CNTNAP2: variants seen among roughly 807,000 people sequenced by gnomAD.
The protein encoded by CNTNAP2 is contactin-associated protein-like 2.
A neutral mutation model predicts 155.2 loss-of-function variants in CNTNAP2; 98 were observed. The ratio of observed to expected loss-of-function variants is 0.63; its 90% CI spans 0.54 to 0.75. CNTNAP2 has a LOEUF of 0.75. CNTNAP2 is among the 30% of genes least tolerant of loss of function. The probability of loss-of-function intolerance (pLI) is 0.00; values close to 1 mark genes in which losing one functional copy is unlikely to be tolerated. For missense variants in CNTNAP2, 1,727 were observed against 1,688.1 expected (o/e 1.02, Z -0.40); for synonymous variants, 651 against 631.2 (o/e 1.03, Z -0.47).
chr7:146,990,945 A>G (rs1055215202), intron 3 of CNTNAP2, among the ~76,000 whole-genome samples: 1 of 152,102 alleles, frequency 6.6e-6, no homozygotes, highest in Non-Finnish European at 1.5e-5. Flanking sequence ...TGGGGGAAAT[A>G]GAAAGCCCTA....
chr7:147,445,512 G>A (rs1321995766), intron 10 of CNTNAP2, among the ~76,000 whole-genome samples: 2 of 152,160 alleles, frequency 1.3e-5, no homozygotes, highest in East Asian at 1.9e-4. Context: ...GTTGGTTGTT[G>A]TGGACAAAAA....
At chr7:147,125,590 T>C (rs1332569467) in intron 6 of CNTNAP2, among the ~76,000 whole-genome samples, 1 of 152,268 alleles carries the variant, frequency 6.6e-6, no homozygotes, top group East Asian at 1.9e-4. Context: ...TGTTGTCTTT[T>C]GCAATACAGC....
At chr7:146,680,022 G>A (rs180758) in intron 1 of CNTNAP2, among the ~76,000 whole-genome samples, 7,482 of 152,044 alleles carry the variant, frequency 0.049, 669 homozygotes, top group African/African-American at 0.17. Context: ...TACATATGTA[G>A]AACATGTTAT....
chr7:147,687,087 T>G (rs1283369166), intron 13 of CNTNAP2, among the ~76,000 whole-genome samples: 4 of 152,084 alleles, frequency 2.6e-5, no homozygotes, highest in Admixed American at 2.6e-4. Context: ...TGATTTGACC[T>G]TTAGAGATTA....
At chr7:147,984,640 G>A (rs115517236) in intron 15 of CNTNAP2, among the ~76,000 whole-genome samples, 1 of 151,998 alleles carries the variant, frequency 6.6e-6, no homozygotes, top group African/African-American at 2.4e-5. Context: ...CCCTGTGAAG[G>A]GTCACTGAAA....
intron 5 of CNTNAP2, among the ~76,000 whole-genome samples, chr7:147,108,585 C>G (rs762714352): frequency 6.6e-6 from 1 of 152,128 alleles, no homozygotes; most frequent in Non-Finnish European, 1.5e-5. Flanking sequence ...CAGCAAGGAA[C>G]AAATAGACAA....
chr7:147,276,533 G>A (rs937105943), intron 8 of CNTNAP2, among the ~76,000 whole-genome samples: 1 of 151,974 alleles, frequency 6.6e-6, no homozygotes, highest in Admixed American at 6.6e-5. Context: ...ACCATAGCTT[G>A]TAAAAATAAA....
At chr7:146,809,137 C>A (rs1803020128) in intron 2 of CNTNAP2, among the ~76,000 whole-genome samples, 1 of 152,148 alleles carries the variant, frequency 6.6e-6, no homozygotes, top group South Asian at 2.1e-4. Flanking sequence ...TTTGAGGAAT[C>A]TCCAAACTGG....
intron 1 of CNTNAP2, among the ~76,000 whole-genome samples, chr7:146,307,312 G>A (rs1800731344): frequency 6.6e-6 from 1 of 152,104 alleles, no homozygotes; most frequent in Non-Finnish European, 1.5e-5. Context: ...ACAAACCACT[G>A]CTCAATGAAA....
chr7:147,030,186 T>C (rs1182382948), intron 3 of CNTNAP2, among the ~76,000 whole-genome samples: 1 of 152,194 alleles, frequency 6.6e-6, no homozygotes, highest in African/African-American at 2.4e-5. Context: ...AGGTTTGGCA[T>C]TTTTCCATGG....
intron 23 of CNTNAP2, among the ~76,000 whole-genome samples, chr7:148,410,210 C>T (rs1799802777): frequency 6.6e-6 from 1 of 151,750 alleles, no homozygotes; most frequent in African/African-American, 2.4e-5. Flanking sequence ...TTCTTTATCC[C>T]CCTCGGATAT....
chr7:148,055,250 T>C (rs1802985364), intron 15 of CNTNAP2, among the ~76,000 whole-genome samples: 1 of 152,196 alleles, frequency 6.6e-6, no homozygotes, highest in East Asian at 1.9e-4. Context: ...CAAAAGATAA[T>C]AGTTTGAAAT....
chr7:146,116,901 T>G lies in CNTNAP2; in HGVS notation c.25T>G (p.Cys9Gly). Residue 9 changes from cysteine (C) to glycine (G), a missense_variant, in exon 1 of 24, where the codon TGC becomes GGC. Cys to Gly is a radical substitution (Grantham distance 159, BLOSUM62 -3). Coordinates refer to ENST00000361727, the MANE Select transcript of CNTNAP2 (RefSeq NM_014141.6). This position sits in a 1 kb window ranked among gnomAD's most constrained non-coding sequence, Gnocchi z 5.5. The stretch of plus-strand genomic sequence containing the variant: ...GATGCAGGCGGCTCCGCGCGCCGGC[T>G]GCGGGGCAGCGCTCCTGCTGTGGAT... MQAAPRAG[C>G]GAALLLWIVS... 1.3e-6 allele frequency: 2 copies of G among 1,546,514 alleles called. No homozygotes were observed. The highest frequency in any genetic ancestry group is 1.7e-6 in the Non-Finnish European group (2 of 1,143,620).
At chr7:148,213,619 A>C (rs1585191817) in intron 18 of CNTNAP2, among the ~76,000 whole-genome samples, 4 of 145,406 alleles carry the variant, frequency 2.8e-5, no homozygotes, top group African/African-American at 5.1e-5. Context: ...ACCTCTTCTC[A>C]CCCCCGCCAG....
chr7:146,378,853 A>T (rs909651671), intron 1 of CNTNAP2, among the ~76,000 whole-genome samples: 1 of 152,250 alleles, frequency 6.6e-6, no homozygotes, highest in Non-Finnish European at 1.5e-5. Flanking sequence ...CATTTGCTGA[A>T]GCAAAGTAAT....
At chr7:148,062,028 A>AGTGTGTGTGT (rs199528714) in intron 15 of CNTNAP2, among the ~76,000 whole-genome samples, 71 of 106,018 alleles carry the variant, frequency 6.7e-4, no homozygotes, top group East Asian at 2.5e-3. Flanking sequence ...AGAGAGAGAG[A>AGTGTGTGTGT]GTGTGTGTGT....
intron 13 of CNTNAP2, among the ~76,000 whole-genome samples, chr7:147,786,602 A>G (rs1797743803): frequency 6.6e-6 from 1 of 152,206 alleles, no homozygotes; most frequent in Admixed American, 6.5e-5. Flanking sequence ...TGCAGTTAGT[A>G]CAGAGTGGGA....
At chr7:147,432,389 G>C (rs1411431146) in intron 10 of CNTNAP2, among the ~76,000 whole-genome samples, 1 of 152,184 alleles carries the variant, frequency 6.6e-6, no homozygotes, top group Admixed American at 6.5e-5. Flanking sequence ...AAGAGACAAA[G>C]CTGTGTTTTT....
chr7:147,656,183 G>A (rs958266387), intron 13 of CNTNAP2, among the ~76,000 whole-genome samples: 1 of 152,202 alleles, frequency 6.6e-6, no homozygotes, highest in South Asian at 2.1e-4. Flanking sequence ...GAATGTTGTG[G>A]TTGGTTCTAT....
Sources: gnomAD v4.1 joint callset for allele counts (sites outside exome capture counted in the v4.1 genomes callset) on GRCh38, gnomAD v4.1.1 for gene constraint, Gnocchi (gnomAD v3.1) non-coding constraint, MANE v1.5 for transcripts, NCBI Gene and HGNC (gene_info 2026-07-23, HGNC 2026-07-21) for gene names.